Variants in PNPLA6 observed in about 807,000 individuals in gnomAD.
PNPLA6 encodes patatin-like phospholipase domain-containing protein 6.
A neutral mutation model predicts 153.7 loss-of-function variants in PNPLA6; 105 were observed. The ratio of observed to expected loss-of-function variants is 0.68; its 90% confidence interval spans 0.58 to 0.80. The LOEUF is 0.80. Ranked by LOEUF, PNPLA6 falls within the 30% of genes least tolerant of loss-of-function variation. PNPLA6 has a pLI of 0.00. For missense variants in PNPLA6, 1,423 were observed against 1,919.3 expected, an observed-to-expected ratio of 0.74 and a Z score of 4.83; for synonymous variants, 825 against 822.2, an observed-to-expected ratio of 1.00 and a Z score of -0.06.
intron 13 of PNPLA6, among the ~76,000 whole-genome samples, chr19:7,548,845 C>T (rs888959750): frequency 6.7e-6 from 1 of 149,660 alleles, no homozygotes; most frequent in East Asian, 2.0e-4. Flanking sequence ...CTCAGTCGCC[C>T]AGGCTGGAGT....
chr19:7,549,715 G>A, intron 13 of PNPLA6, 192 bp from the exon 14 acceptor site: 1 of 630,850 alleles, frequency 1.6e-6, no homozygotes, highest in Non-Finnish European at 2.8e-6. Flanking sequence ...CCGAACTCCT[G>A]GCCTCAAGTG....
chr19:7,540,888 G>A lies in PNPLA6; in HGVS notation c.796-35G>A. 1.2e-6 allele frequency: 2 copies of A among 1,612,726 alleles called. No individual in the cohort carries two copies. Among genetic ancestry groups the A allele is most frequent in the East Asian group, 2.2e-5 (1 of 44,854 alleles). On this transcript the variant is annotated intron_variant, in intron 6 of 31. Transcript: ENST00000600737. This position sits in a 1 kb window ranked among gnomAD's most constrained non-coding sequence, Gnocchi z 6.8. ...GTAGCGAGGGGGACTCGCAGCCTCTGCCCTTGTCTCTCTTCACGCCCTCCC... is the reference window on the plus strand; with the variant it reads ...GTAGCGAGGGGGACTCGCAGCCTCTACCCTTGTCTCTCTTCACGCCCTCCC...
Position 7,555,869 on chromosome 19 carries a change from TC to T in PNPLA6, c.3093+108del, listed in dbSNP as rs1468766801. 50 of 1,203,770 alleles carry T rather than the reference TC, an allele frequency of 4.2e-5. 1 individual carries two copies. The East Asian group carries it at 8.8e-4, about 21-fold the overall frequency. 74.6% of individuals were successfully genotyped at this position (1,203,770 alleles called of 1,614,324 possible). A position where few individuals can be genotyped will look rare whatever the true frequency, so the allele number is the denominator to read the frequency against. On this transcript the variant is annotated intron_variant, in intron 24 of 31. Transcript: ENST00000600737. This position sits in a 1 kb window ranked among gnomAD's most constrained non-coding sequence, Gnocchi z 6.3. ...GAGCCTCCGGGGTCAGGGTGACCCT[TC>T]CTGATTAAATCTATGATCCCCAGCT...
At position 7,557,187 on chromosome 19, in the gene PNPLA6, G is replaced by T; in HGVS notation, c.3300G>T (p.Val1100=). The part of the protein sequence containing the change: ...VHKDGSLWRY[V]RASMTLSGYL... ...GCGCAGGCTCCCTGTGGCGGTACGT[G>T]CGCGCCAGCATGACGCTGTCGGGCT... The change falls in exon 27 of 32, where the codon GTG becomes GTT. Residue 1100 remains valine (V), a synonymous_variant. Coordinates refer to ENST00000600737, the MANE Select transcript of PNPLA6 (RefSeq NM_001166114.2). 6.2e-7 allele frequency: 1 copy of T among 1,609,994 alleles called. No individual in the cohort carries two copies. Among genetic ancestry groups the T allele is most frequent in the African/African-American group, 1.4e-5 (1 of 73,938 alleles).
At position 7,550,426 on chromosome 19, in the gene PNPLA6, A is replaced by T; in HGVS notation, c.1943A>T (p.Tyr648Phe). Reference protein sequence around the residue: ...WTAVEAGRALYRQGDRSDCTY... With the variant: ...WTAVEAGRALFRQGDRSDCTY... ...GCAGTGGAGGCGGGACGCGCGCTGT[A>T]CAGGTGCAGCTCCCACCGCGCTGCT... is the stretch of plus-strand genomic sequence containing the variant. Residue 648 changes from tyrosine to phenylalanine, a missense_variant, in exon 15 of 32, where the codon TAC (tyrosine) becomes TTC (phenylalanine). Physicochemically the swap from Tyr to Phe is conservative, Grantham distance 22. Around this residue, in one of 10 missense-constraint regions of PNPLA6, gnomAD observed 63 missense variants for 166.2 expected, o/e 0.38. Transcript: ENST00000600737. 7.4e-6 allele frequency: 12 copies of T among 1,611,516 alleles called. No individual in the cohort carries two copies. The highest frequency in any genetic ancestry group is 1.7e-4 in the Middle Eastern group (1 of 6,058).
Position 7,537,079 on chromosome 19 carries a change from TCTC to T in PNPLA6, c.413+536_413+538del, listed in dbSNP as rs545206441. 5.9e-5 allele frequency among the ~76,000 whole-genome samples: 9 copies of T among 152,190 alleles called. No individual in the cohort carries two copies. The South Asian group carries it at 1.9e-3, about 32-fold the overall frequency. ...TCCCTGAGGGCTACCTCAGTGACCT[TCTC>T]CTTCCACTGGAGTATCTGAGCTATT... On this transcript the variant is annotated intron_variant, in intron 3 of 31. Transcript: ENST00000600737.
In PNPLA6 at chr19:7,543,014, C is replaced by T. The variant is rs1351660925; in HGVS notation, c.1538C>T (p.Ser513Phe). ...LAKLMRIEDPSLLNSRVLLHH... is the reference protein window; with the variant it reads ...LAKLMRIEDPFLLNSRVLLHH... ...ACCCCCCTACCTCCCCAGGACCCCT[C>T]CCTCCTGAACAGCAGAGTCTTGCTG... The change falls in exon 13 of 32, where the codon TCC (serine) becomes TTC (phenylalanine). Residue 513 changes from serine to phenylalanine, a missense_variant. Transcript: ENST00000600737. 10 of 1,613,880 alleles carry T rather than the reference C, an allele frequency of 6.2e-6. No individual in the cohort carries two copies. The Admixed American group carries it at 1.5e-4, about 24-fold the overall frequency.
rs1455050807 is a variant in PNPLA6 at position 7,541,707 on chromosome 19, C to T, written c.1168+23C>T. ...CAGGTACCCAGGGACCCGAGGCCAG[C>T]CGAGCCCAATCTCCCAGGAAGCCCC... On this transcript the variant is annotated intron_variant, in intron 9 of 31. Transcript: ENST00000600737. The surrounding 1 kb of genome is among the most constrained non-coding windows in gnomAD (Gnocchi z 5.2). The T allele has an allele frequency of 1.9e-6, 3 of 1,555,236 alleles. No homozygotes were observed. The highest frequency in any genetic ancestry group is 1.7e-6 in the Non-Finnish European group (2 of 1,154,258).
intron 3 of PNPLA6, 95 bp from the exon 4 acceptor site, chr19:7,539,823 C>A: frequency 3.3e-5 from 22 of 667,966 alleles, no homozygotes; most frequent in East Asian, 3.5e-5. Flanking sequence ...GTTTGCTGTA[C>A]ATGAGCCCTG....
intron 18 of PNPLA6, among the ~76,000 whole-genome samples, chr19:7,553,184 C>A (rs538347767): frequency 6.6e-6 from 1 of 152,106 alleles, no homozygotes; most frequent in African/African-American, 2.4e-5. Context: ...CTGGTCTAGG[C>A]TGTTAGTGGA....
Position 7,561,324 on chromosome 19 carries a change from G to A in PNPLA6, c.4023+7G>A, listed in dbSNP as rs781516185. On this transcript the variant is annotated splice_region_variant and intron_variant, in intron 31 of 31. Coordinates refer to ENST00000600737, the MANE Select transcript of PNPLA6 (RefSeq NM_001166114.2). The stretch of plus-strand genomic sequence containing the variant: ...CAGCACTGCCTCCGAGATGGTGAGA[G>A]TGGGTGGCCCAGGGTCCCCTCACAT... 1.3e-5 allele frequency: 21 copies of A among 1,589,430 alleles called. No individual in the cohort carries two copies. Among genetic ancestry groups the A allele is most frequent in the Non-Finnish European group, 1.7e-5 (20 of 1,165,366 alleles).
In PNPLA6 at chr19:7,557,462, G is replaced by T; in HGVS notation, c.3397+178G>T. On this transcript the variant is annotated intron_variant, in intron 27 of 31. Transcript: ENST00000600737. ...CTTGCACAAAATGATACATGAATGT[G>T]CCTGTGGACAGCGACATGTGCAGTT... 13 of 667,604 alleles carry T rather than the reference G, an allele frequency of 1.9e-5. No individual in the cohort carries two copies. In the Middle Eastern group the frequency reaches 2.1e-3, roughly 109 times the overall value. The allele number at this position is 667,604 out of a possible 1,614,324, so 41.4% of individuals were successfully genotyped here.
Position 7,541,856 on chromosome 19 carries a change from C to A in PNPLA6, c.1169-128C>A. ...TATCTGGTACCGAGGAAGCTGTGGC[C>A]TCGTCCCCAAGGGCCCATTGGAATT... On this transcript the variant is annotated intron_variant, in intron 9 of 31. Transcript: ENST00000600737. This position sits in a 1 kb window ranked among gnomAD's most constrained non-coding sequence, Gnocchi z 5.2. 1 of 1,106,916 alleles carries A rather than the reference C, an allele frequency of 9.0e-7. No homozygotes were observed. 68.6% of individuals were successfully genotyped at this position (1,106,916 alleles called of 1,614,324 possible).
At chr19:7,544,341 A>G (rs987493140) in intron 13 of PNPLA6, among the ~76,000 whole-genome samples, 2 of 150,496 alleles carry the variant, frequency 1.3e-5, no homozygotes, top group Admixed American at 1.3e-4. Flanking sequence ...CAAACTCCTG[A>G]CCTCAGGTGA....
At chr19:7,549,099 G>A (rs57744832) in intron 13 of PNPLA6, among the ~76,000 whole-genome samples, 4,173 of 150,486 alleles carry the variant, frequency 0.028, 247 homozygotes, top group Admixed American at 0.12. Flanking sequence ...CATCGCGCCC[G>A]GCTAAAAAAT....
In PNPLA6 at chr19:7,554,634, T is replaced by TC; in HGVS notation, c.2546dup (p.Leu850AlafsTer43). The TC allele has an allele frequency of 6.2e-7, 1 of 1,613,992 alleles. No individual in the cohort carries two copies. The highest frequency in any genetic ancestry group is 1.1e-5 in the South Asian group (1 of 91,076). On this transcript the variant is annotated frameshift_variant, in exon 21 of 32. Coordinates refer to ENST00000600737, the MANE Select transcript of PNPLA6 (RefSeq NM_001166114.2). LOFTEE classifies it high-confidence loss of function. ...TATCGTACTCTACCAGACGGACGCC[T>TC]CGCTGACGCCCTGGACCGTGCGCTG...
Position 7,540,123 on chromosome 19 carries a change from T to A in PNPLA6, c.555-26T>A. On this transcript the variant is annotated intron_variant, in intron 4 of 31. Transcript: ENST00000600737. This position sits in a 1 kb window ranked among gnomAD's most constrained non-coding sequence, Gnocchi z 6.8. ...CGTGGGGCCGCCCTGACCTCCAGCC[T>A]CTGTCGCCCACCGCCTGTCCAACAG... 1.2e-6 allele frequency: 2 copies of A among 1,613,458 alleles called. No homozygotes were observed. Among genetic ancestry groups the A allele is most frequent in the Non-Finnish European group, 1.7e-6 (2 of 1,180,008 alleles).
chr19:7,535,480 C>A (rs1052938381), upstream of PNPLA6: 3 of 1,497,444 alleles, frequency 2.0e-6, no homozygotes, highest in African/African-American at 4.2e-5. The surrounding 1 kb of genome is among the most constrained non-coding windows in gnomAD (Gnocchi z 5.0). Context: ...ACGACTTGCA[C>A]GGGTTCCTTC....
intron 1 of PNPLA6, 56 bp downstream of exon 1, chr19:7,536,076 C>A: frequency 1.3e-6 from 2 of 1,576,980 alleles, no homozygotes; most frequent in Admixed American, 1.8e-5. Context: ...CCCAAATGCC[C>A]GGGTCCCGAG....
Sources: allele counts gnomAD v4.1 joint callset (sites outside exome capture counted in the v4.1 genomes callset), GRCh38; gene constraint gnomAD v4.1.1; regional missense constraint gnomAD v4.1.1; non-coding constraint Gnocchi (gnomAD v3.1); transcripts MANE v1.5; gene names NCBI Gene and HGNC (gene_info 2026-07-23, HGNC 2026-07-21).